AKNAD1: variants seen among roughly 807,000 people sequenced by gnomAD.
AKNAD1 encodes protein AKNAD1.
A neutral mutation model predicts 90.8 loss-of-function variants in AKNAD1; 67 were observed. The ratio of observed to expected loss-of-function variants is 0.74; its 90% CI spans 0.61 to 0.90. AKNAD1 has a LOEUF of 0.90. AKNAD1 is among the 40% of genes least tolerant of loss of function. The probability of loss-of-function intolerance (pLI) is 0.00; values close to 1 mark genes in which losing one functional copy is unlikely to be tolerated. For synonymous variants in AKNAD1, 327 were observed against 341.4 expected, an observed-to-expected ratio of 0.96 and a Z score of 0.46; for missense variants, 957 against 975.4, an observed-to-expected ratio of 0.98 and a Z score of 0.25.
intron 10 of AKNAD1, among the ~76,000 whole-genome samples, chr1:108,829,115 G>A (rs1664104661): frequency 6.6e-6 from 1 of 151,772 alleles, no homozygotes; most frequent in Admixed American, 6.6e-5. Context: ...CTAACAGAAA[G>A]AATATATAGT....
intron 5 of AKNAD1, among the ~76,000 whole-genome samples, chr1:108,847,307 G>T (rs1664730635): frequency 6.6e-6 from 1 of 152,008 alleles, no homozygotes; most frequent in Non-Finnish European, 1.5e-5. Flanking sequence ...AATTAGCCAG[G>T]CACGGTGGTG....
intron 10 of AKNAD1, among the ~76,000 whole-genome samples, chr1:108,827,956 C>G (rs1664065551): frequency 6.6e-6 from 1 of 151,030 alleles, no homozygotes. Context: ...CCTCATGCAT[C>G]AAAATCCATT....
chr1:108,826,912 G>A (rs1664015491), intron 11 of AKNAD1, among the ~76,000 whole-genome samples: 1 of 150,536 alleles, frequency 6.6e-6, no homozygotes, highest in South Asian at 2.1e-4. Context: ...GCTAATTTTT[G>A]TATTTTTTTT....
chr1:108,849,638 G>C, intron 2 of AKNAD1, 62 bp from the exon 3 acceptor site: 1 of 1,182,192 alleles, frequency 8.5e-7, no homozygotes, highest in Non-Finnish European at 1.3e-6. Context: ...CCACCGTTCA[G>C]AATGACCCAA....
intron 14 of AKNAD1, among the ~76,000 whole-genome samples, chr1:108,819,611 C>CA (rs536865120): frequency 4.0e-5 from 6 of 151,476 alleles, no homozygotes; most frequent in South Asian, 2.1e-4. Flanking sequence ...GACCCTGCCT[C>CA]AAAAAAAATT....
At chr1:108,837,497 G>A in intron 7 of AKNAD1, 53 bp downstream of exon 7, 2 of 1,539,560 alleles carry the variant, frequency 1.3e-6, no homozygotes, top group South Asian at 2.5e-5. Flanking sequence ...GTCTATAAAT[G>A]CAAAAACACC....
Position 108,835,058 on chromosome 1 carries a change from T to TG in AKNAD1, c.1537-3dup. On this transcript the variant is annotated splice_polypyrimidine_tract_variant and splice_region_variant and intron_variant, in intron 7 of 15. Transcript: ENST00000370001. ...GTGGCCGGGGTGCTCCTTGGGAATC[T>TG]GGGGGAGCCACACAGAAAGACTTGA... 1 of 1,571,450 alleles carries TG rather than the reference T, an allele frequency of 6.4e-7. No homozygotes were observed. Among genetic ancestry groups the TG allele is most frequent in the Non-Finnish European group, 8.6e-7 (1 of 1,164,494 alleles).
At chr1:108,824,738 T>C (rs1011038989) in intron 11 of AKNAD1, among the ~76,000 whole-genome samples, 2 of 151,504 alleles carry the variant, frequency 1.3e-5, no homozygotes, top group African/African-American at 4.8e-5. Flanking sequence ...GTTTAAATAT[T>C]GGGTCCCTAT....
rs538612836 is a variant in AKNAD1 at position 108,834,701 on chromosome 1, G to A, written c.1665-173C>T. Among the ~76,000 whole-genome samples, 14 of 151,876 alleles carry A rather than the reference G, an allele frequency of 9.2e-5. No individual in the cohort carries two copies. The East Asian group carries it at 1.6e-3, about 17-fold the overall frequency. On this transcript the variant is annotated intron_variant, in intron 8 of 15. Transcript: ENST00000370001. ...CCACTTGACCTTCACCTCTCCCCGC[G>A]TCCCCCAGCCCCAGCTGTCCCGTCC...
chr1:108,853,656 G>A (rs141529006), intron 1 of AKNAD1, among the ~76,000 whole-genome samples: 37 of 151,872 alleles, frequency 2.4e-4, no homozygotes, highest in African/African-American at 7.5e-4. Flanking sequence ...CCAAGGGGCC[G>A]GGCACGGTGC....
intron 5 of AKNAD1, among the ~76,000 whole-genome samples, chr1:108,845,841 G>A (rs1419355570): frequency 1.3e-5 from 2 of 152,310 alleles, no homozygotes; most frequent in Non-Finnish European, 2.9e-5. Flanking sequence ...AGCTATAGAT[G>A]AGAAGTCAGG....
intron 11 of AKNAD1, 37 bp downstream of exon 11, chr1:108,827,168 T>C: frequency 6.5e-7 from 1 of 1,541,012 alleles, no homozygotes; most frequent in Non-Finnish European, 8.9e-7. Flanking sequence ...GGAGGGACAC[T>C]GAAAAATGAG....
Position 108,849,029 on chromosome 1 carries a change from C to T in AKNAD1, c.1065G>A (p.Leu355=), listed in dbSNP as rs914711969. Residue 355 remains leucine (L), a synonymous_variant, in exon 4 of 16, where the codon TTG becomes TTA. Transcript: ENST00000370001. ...GIESEASLSK[L]SPTSQKGTSS... ...AAGTGCCTTTCTGAGAGGTTGGTGA[C>T]AACTTAGAGAGACTTGCCTCAGATT... 2 of 1,607,070 alleles carry T rather than the reference C, an allele frequency of 1.2e-6. No individual in the cohort carries two copies. The highest frequency in any genetic ancestry group is 3.4e-5 in the Admixed American group (2 of 58,214).
chr1:108,842,251 G>A (rs531996428), intron 6 of AKNAD1, among the ~76,000 whole-genome samples: 1 of 152,286 alleles, frequency 6.6e-6, no homozygotes, highest in East Asian at 1.9e-4. Context: ...GAACGCTAGG[G>A]CTGAAATGTA....
At chr1:108,851,071 T>C (rs1250066418) in intron 2 of AKNAD1, among the ~76,000 whole-genome samples, 1 of 152,156 alleles carries the variant, frequency 6.6e-6, no homozygotes, top group Non-Finnish European at 1.5e-5. Context: ...GCCAGGCCTC[T>C]GGGGGAAATT....
intron 6 of AKNAD1, among the ~76,000 whole-genome samples, chr1:108,841,827 G>A (rs138876754): frequency 1.4e-4 from 22 of 152,202 alleles, no homozygotes; most frequent in African/African-American, 5.3e-4. Flanking sequence ...CCGAGATTTG[G>A]GAAAGTCTGG....
chr1:108,841,254 G>A (rs6680426), intron 6 of AKNAD1, among the ~76,000 whole-genome samples: 1,923 of 151,984 alleles, frequency 0.013, 34 homozygotes, highest in African/African-American at 0.043. Flanking sequence ...AAGTAGAAAG[G>A]GATGGGTTCA....
At chr1:108,834,629 G>T in intron 8 of AKNAD1, 101 bp from the exon 9 acceptor site, 1 of 1,212,698 alleles carries the variant, frequency 8.2e-7, no homozygotes, top group Non-Finnish European at 1.2e-6. Flanking sequence ...CCCTGGGATG[G>T]TGGGAGCGAG....
At chr1:108,850,969 A>G (rs1008722112) in intron 2 of AKNAD1, among the ~76,000 whole-genome samples, 2 of 152,214 alleles carry the variant, frequency 1.3e-5, no homozygotes, top group Non-Finnish European at 2.9e-5. Context: ...AATGATTACC[A>G]AGATAACAAG....
Sources: gnomAD v4.1 joint callset for allele counts (sites outside exome capture counted in the v4.1 genomes callset) on GRCh38, gnomAD v4.1.1 for gene constraint, MANE v1.5 for transcripts, NCBI Gene and HGNC (gene_info 2026-07-23, HGNC 2026-07-21) for gene names.